The following ERICH1 variants were observed in gnomAD, a reference collection of about 807,000 sequenced individuals.
ERICH1 encodes glutamate rich 1, also known as glutamate-rich protein 1.
Under a neutral mutation model 39.6 loss-of-function variants are expected in ERICH1, and 56 were observed. That is an observed-to-expected ratio of 1.41 (90% CI 1.14 to 1.77). The LOEUF is 1.77. Ranked by LOEUF, ERICH1 falls within the 40% of genes most tolerant of loss-of-function variation. ERICH1 has a pLI of 0.00. For missense variants in ERICH1, 826 were observed against 575.4 expected, an observed-to-expected ratio of 1.44 and a Z score of -4.45; for synonymous variants, 313 against 223.6, an observed-to-expected ratio of 1.40 and a Z score of -3.57.
rs747885282 is a variant in ERICH1, at chr8:673,496, C to T, written c.856G>A (p.Gly286Arg). The T allele has an allele frequency of 5.5e-5, 88 of 1,612,838 alleles. No homozygotes were observed. The East Asian group carries it at 1.1e-3, about 20-fold the overall frequency. ...DTIEEDLTRA[G>R]EEDGKDTREE... Reference sequence around the variant, plus strand: ...CTGGTGTCTTTACCGTCTTCCTCCCCGGCCCGTGTCAGGTCTTCCTCAATG... The same window carrying T: ...CTGGTGTCTTTACCGTCTTCCTCCCTGGCCCGTGTCAGGTCTTCCTCAATG... Residue 286 changes from glycine (G) to arginine (R), a missense_variant, in exon 4 of 6, where the codon GGG becomes AGG. Transcript: ENST00000262109.
At chr8:629,869 G>C (rs1191589357) in intron 3 of ERICH1, among the ~76,000 whole-genome samples, 10 of 106,400 alleles carry the variant, frequency 9.4e-5, no homozygotes, top group Admixed American at 1.8e-4. Flanking sequence ...CACAGACAGA[G>C]CTGACTCACA....
intron 3 of ERICH1, among the ~76,000 whole-genome samples, chr8:688,669 G>A (rs1808213613): frequency 6.6e-6 from 1 of 152,222 alleles, no homozygotes; most frequent in South Asian, 2.1e-4. Context: ...AATCTAAGAA[G>A]AATGAGTTAA....
intron 2 of ERICH1, among the ~76,000 whole-genome samples, chr8:698,095 G>A (rs1228338310): frequency 5.9e-5 from 9 of 152,234 alleles, no homozygotes; most frequent in African/African-American, 1.9e-4. Context: ...TGCGCCCGCC[G>A]CCTGCCCCCG....
chr8:696,301 C>T, intron 2 of ERICH1, among the ~76,000 whole-genome samples: 1 of 71,488 alleles, frequency 1.4e-5, no homozygotes. Flanking sequence ...TCACTCCTCT[C>T]CTTCCTCCCC....
intron 1 of ERICH1, among the ~76,000 whole-genome samples, chr8:718,691 T>C (rs747617790): frequency 6.6e-6 from 1 of 152,154 alleles, no homozygotes; most frequent in Non-Finnish European, 1.5e-5. Flanking sequence ...CAGGCATTTC[T>C]CTCGGAAGAG....
intron 3 of ERICH1, among the ~76,000 whole-genome samples, chr8:650,844 A>G (rs1029236554): frequency 7.9e-5 from 12 of 152,254 alleles, no homozygotes; most frequent in African/African-American, 2.9e-4. Flanking sequence ...TCAACGATTC[A>G]TGGTGAAAGG....
intron 2 of ERICH1, among the ~76,000 whole-genome samples, chr8:709,499 T>C (rs1814211232): frequency 6.6e-6 from 1 of 152,196 alleles, no homozygotes. Context: ...CACCCAACCT[T>C]CTCATTTGCT....
chr8:630,722 T>C (rs60203188), intron 3 of ERICH1, among the ~76,000 whole-genome samples: 209 of 99,272 alleles, frequency 2.1e-3, no homozygotes, highest in African/African-American at 8.2e-3. Flanking sequence ...CACACCCTCC[T>C]GTGACCACCC....
chr8:662,766 G>C (rs944747006), downstream of ERICH1, among the ~76,000 whole-genome samples: 1 of 152,270 alleles, frequency 6.6e-6, no homozygotes, highest in African/African-American at 2.4e-5. Context: ...GGAGGCAGGA[G>C]TCCGGCTTGG....
At chr8:695,208 T>C (rs1188426226) in intron 2 of ERICH1, among the ~76,000 whole-genome samples, 1 of 152,032 alleles carries the variant, frequency 6.6e-6, no homozygotes, top group Non-Finnish European at 1.5e-5. Flanking sequence ...CCTGGCCCAC[T>C]TCAGGTGAGC....
chr8:708,681 G>GTTTTTTGTTTTTTTTTTTTTTTTTTTTT lies in ERICH1; in HGVS notation c.169+7179_169+7180insAAAAAAAAAAAAAAAAAAAAACAAAAAA. Among the ~76,000 whole-genome samples, 77 of 65,770 alleles carry GTTTTTTGTTTTTTTTTTTTTTTTTTTTT rather than the reference G, an allele frequency of 1.2e-3. 9 individuals carry two copies. The highest frequency in any genetic ancestry group is 0.019 in the Middle Eastern group (2 of 104). The allele number at this position is 65,770 out of a possible 152,430, so 43.1% of individuals were successfully genotyped here. A position where few individuals can be genotyped will look rare whatever the true frequency, so the allele number is the denominator to read the frequency against. On this transcript the variant is annotated intron_variant, in intron 2 of 5. Coordinates refer to ENST00000262109, the MANE Select transcript of ERICH1 (RefSeq NM_207332.3). ...GGGCTGAGTGGTTACGGGATAATGA[G>GTTTTTTGTTTTTTTTTTTTTTTTTTTTT]TTTTTTTTTTTTTTTTTTTTTTTTT... is the stretch of plus-strand genomic sequence containing the variant.
chr8:672,555 G>A (rs573041940), intron 4 of ERICH1, among the ~76,000 whole-genome samples: 166 of 152,170 alleles, frequency 1.1e-3, no homozygotes, highest in African/African-American at 3.8e-3. Context: ...TGCTGGTAAC[G>A]TCATTGAAAA....
At chr8:643,128 C>T (rs1034364560) in intron 3 of ERICH1, among the ~76,000 whole-genome samples, 2 of 152,178 alleles carry the variant, frequency 1.3e-5, no homozygotes, top group Admixed American at 6.5e-5. Flanking sequence ...CCCTGCCTGG[C>T]GCAGCCTGGA....
intron 2 of ERICH1, among the ~76,000 whole-genome samples, chr8:703,049 A>G (rs1467815942): frequency 6.6e-6 from 1 of 152,064 alleles, no homozygotes; most frequent in Non-Finnish European, 1.5e-5. Flanking sequence ...GTGAGCTTTC[A>G]CCTCCAGGAG....
intron 3 of ERICH1, among the ~76,000 whole-genome samples, chr8:643,780 C>A (rs1418450032): frequency 2.6e-5 from 4 of 152,198 alleles, no homozygotes; most frequent in African/African-American, 7.2e-5. Context: ...GTAGGCGCAA[C>A]TTCCTTTTGT....
chr8:623,896 A>G (rs756132393), intron 3 of ERICH1, among the ~76,000 whole-genome samples: 1 of 152,264 alleles, frequency 6.6e-6, no homozygotes, highest in Non-Finnish European at 1.5e-5. Context: ...AAAAAAGTAG[A>G]TAAATTGGCT....
intron 2 of ERICH1, among the ~76,000 whole-genome samples, chr8:706,892 G>GT (rs1813403881): frequency 6.6e-6 from 1 of 152,188 alleles, no homozygotes; most frequent in Admixed American, 6.5e-5. Flanking sequence ...ACTGGACAAT[G>GT]TAATAGTGTT....
chr8:640,659 A>G (rs982844303), intron 3 of ERICH1: 1 of 152,224 alleles, frequency 6.6e-6, no homozygotes, highest in Admixed American at 6.5e-5. Context: ...ACGCCAGGTG[A>G]TGAGTGGCAT....
chr8:618,175 C>G (rs1024799894), intron 3 of ERICH1, among the ~76,000 whole-genome samples: 1 of 148,092 alleles, frequency 6.8e-6, no homozygotes, highest in African/African-American at 2.5e-5. Context: ...ACTGAGTACT[C>G]CATCTGTTCT....
Sources: allele counts gnomAD v4.1 joint callset (sites outside exome capture counted in the v4.1 genomes callset), GRCh38; gene constraint gnomAD v4.1.1; transcripts MANE v1.5; gene names NCBI Gene and HGNC (gene_info 2026-07-23, HGNC 2026-07-21).